GUSB: variants seen among roughly 807,000 people sequenced by gnomAD.
The protein encoded by GUSB is beta-glucuronidase.
Under a neutral mutation model 74.6 loss-of-function variants are expected in GUSB, and 51 were observed. That is an observed-to-expected ratio of 0.68 (90% CI 0.55 to 0.86). The LOEUF is 0.86. Ranked by LOEUF, GUSB falls within the 40% of genes least tolerant of loss-of-function variation. The pLI is 0.00. For missense variants in GUSB, 736 were observed against 853.7 expected, an observed-to-expected ratio of 0.86 and a Z score of 1.72; for synonymous variants, 360 against 348.3, an observed-to-expected ratio of 1.03 and a Z score of -0.37.
chr7:65,970,467 C>G, intron 8 of GUSB, 101 bp from the exon 9 acceptor site: 3 of 757,242 alleles, frequency 4.0e-6, no homozygotes, highest in Non-Finnish European at 7.0e-6. Flanking sequence ...GAACACAACA[C>G]GGGGCCAGGC....
Position 65,979,475 on chromosome 7 carries a change from C to A in GUSB, c.648G>T (p.Arg216=), listed in dbSNP as rs1791835924. The A allele has an allele frequency of 6.2e-7, 1 of 1,613,602 alleles. No individual in the cohort carries two copies. Among genetic ancestry groups the A allele is most frequent in the Non-Finnish European group, 8.5e-7 (1 of 1,179,510 alleles). The stretch of plus-strand genomic sequence containing the variant: ...TGGGTGTCGTGTACAGAAGTACAGA[C>A]CGCTGCAGTCCAGCGTAGTTGAAAA... ...FDFFNYAGLQ[R]SVLLYTTPTT... Residue 216 remains arginine, a synonymous_variant, in exon 4 of 12, where the codon CGG becomes CGT. Transcript: ENST00000304895.
chr7:65,965,092 AAAATT>A (rs1011229832), intron 10 of GUSB, among the ~76,000 whole-genome samples: 98 of 150,562 alleles, frequency 6.5e-4, no homozygotes, highest in Middle Eastern at 3.5e-3. Context: ...TATATATATA[AAAATT>A]AAATTAAATT....
Position 65,975,219 on chromosome 7 carries a change from C to T in GUSB, c.913-148G>A. ...CAGCAATCAGAGGTTCTGCCCTACCCTGGCTGACCCTGGGAACCTGCCCTT... is the reference window on the plus strand; with the variant it reads ...CAGCAATCAGAGGTTCTGCCCTACCTTGGCTGACCCTGGGAACCTGCCCTT... On this transcript the variant is annotated intron_variant, in intron 5 of 11. Transcript: ENST00000304895. 4 of 707,396 alleles carry T rather than the reference C, an allele frequency of 5.7e-6. 1 individual carries two copies. In the Admixed American group the frequency reaches 8.4e-5, roughly 15 times the overall value. The allele number at this position is 707,396 out of a possible 1,614,324, so 43.8% of individuals were successfully genotyped here.
At position 65,964,467 on chromosome 7, in the gene GUSB, C is replaced by T. The variant is rs1790700569; in HGVS notation, c.1654-9G>A. 5 of 1,610,076 alleles carry T rather than the reference C, an allele frequency of 3.1e-6. No homozygotes were observed. In the Admixed American group the frequency reaches 8.3e-5, roughly 27 times the overall value. On this transcript the variant is annotated splice_polypyrimidine_tract_variant and intron_variant, in intron 10 of 11. Coordinates refer to ENST00000304895, the MANE Select transcript of GUSB (RefSeq NM_000181.4). ...AACATCAGAGGTGGATCCTAGGATT[C>T]AAGGCAAAGAGAATGTAAGAGTCAG...
intron 10 of GUSB, among the ~76,000 whole-genome samples, chr7:65,964,792 G>A (rs1211459022): frequency 6.6e-6 from 1 of 152,176 alleles, no homozygotes; most frequent in Non-Finnish European, 1.5e-5. Flanking sequence ...CTTTCAGTCA[G>A]GTGCAGTGGC....
intron 3 of GUSB, 68 bp from the exon 4 acceptor site, chr7:65,979,609 C>CACTGG: frequency 6.3e-7 from 1 of 1,597,650 alleles, no homozygotes; most frequent in South Asian, 1.1e-5. Context: ...TCACAGGCCT[C>CACTGG]CCTGGCCTCC....
chr7:65,966,617 T>C (rs149553124), intron 10 of GUSB, among the ~76,000 whole-genome samples: 1 of 151,832 alleles, frequency 6.6e-6, no homozygotes, highest in Non-Finnish European at 1.5e-5. Flanking sequence ...ACTCCATCTT[T>C]ACAAAAAAAT....
In GUSB at chr7:65,974,958, A is replaced by C. The variant is rs1562687044; in HGVS notation, c.1026T>G (p.Pro342=). The change falls in exon 6 of 12, where the codon CCT becomes CCG. Residue 342 remains proline, a synonymous_variant. Coordinates refer to ENST00000304895, the MANE Select transcript of GUSB (RefSeq NM_000181.4). ...TKSQFLINGK[P]FYFHGVNKHE... The stretch of plus-strand genomic sequence containing the variant: ...GCTTGTTGACACCGTGGAAATAGAA[A>C]GGTTTCCCATTGATGAGGAACTGGC... 2.5e-6 allele frequency: 4 copies of C among 1,613,872 alleles called. No individual in the cohort carries two copies. Among genetic ancestry groups the C allele is most frequent in the Middle Eastern group, 1.7e-4 (1 of 6,048 alleles).
intron 8 of GUSB, among the ~76,000 whole-genome samples, chr7:65,970,761 C>A (rs1384417894): frequency 6.6e-6 from 1 of 152,012 alleles, no homozygotes; most frequent in Non-Finnish European, 1.5e-5. Context: ...TGGTGGCCGG[C>A]GCCTATAGTC....
rs1790436982 is a variant in GUSB at position 65,960,869 on chromosome 7, A to G, written c.*28T>C. On this transcript the variant is annotated 3_prime_UTR_variant, in exon 12 of 12. Transcript: ENST00000304895. ...GGAAGTCGCCCTGACTCGGGGAGGA[A>G]GGGACACGCAGGTGGTATCAGTCTT... 1.2e-6 allele frequency: 2 copies of G among 1,603,828 alleles called. No individual in the cohort carries two copies. Among genetic ancestry groups the G allele is most frequent in the African/African-American group, 2.7e-5 (2 of 74,740 alleles).
chr7:65,972,607 CCA>C (rs1183558884), intron 8 of GUSB, among the ~76,000 whole-genome samples: 1 of 152,130 alleles, frequency 6.6e-6, no homozygotes, highest in Non-Finnish European at 1.5e-5. Flanking sequence ...AGTTCCAAAC[CCA>C]CACTCTCCAA....
At chr7:65,969,499 C>A (rs539473722) in intron 9 of GUSB, among the ~76,000 whole-genome samples, 1 of 152,034 alleles carries the variant, frequency 6.6e-6, no homozygotes, top group Non-Finnish European at 1.5e-5. Context: ...GACTTTGAGA[C>A]CAGCCTGGGC....
At position 65,974,588 on chromosome 7, in the gene GUSB, C is replaced by T. The variant is rs369190724; in HGVS notation, c.1182G>A (p.Gln394=). 3 of 1,614,232 alleles carry T rather than the reference C, an allele frequency of 1.9e-6. No homozygotes were observed. The African/African-American group carries it at 4.0e-5, about 22-fold the overall frequency. Residue 394 remains glutamine, a synonymous_variant, in exon 7 of 12, where the codon CAG becomes CAA. Coordinates refer to ENST00000304895, the MANE Select transcript of GUSB (RefSeq NM_000181.4). The part of the protein sequence containing the change: ...SHYPYAEEVM[Q]MCDRYGIVVI... ...CCACAATCCCATAGCGGTCACACATCTGCATCACTTCCTCTGCATAGGGGT... is the reference window on the plus strand; with the variant it reads ...CCACAATCCCATAGCGGTCACACATTTGCATCACTTCCTCTGCATAGGGGT...
chr7:65,961,662 G>C (rs1790504308), intron 11 of GUSB, among the ~76,000 whole-genome samples: 1 of 152,122 alleles, frequency 6.6e-6, no homozygotes, highest in Non-Finnish European at 1.5e-5. Context: ...CTGAGGTCAG[G>C]AGTTCAAGAT....
chr7:65,967,198 C>T (rs1308647620), intron 10 of GUSB, among the ~76,000 whole-genome samples: 3 of 152,140 alleles, frequency 2.0e-5, no homozygotes, highest in East Asian at 1.9e-4. Flanking sequence ...GAGGCTCACA[C>T]CTGTAATCCC....
chr7:65,967,596 G>A (rs2115872136), intron 10 of GUSB, 135 bp downstream of exon 10: 3 of 773,876 alleles, frequency 3.9e-6, no homozygotes, highest in Non-Finnish European at 6.8e-6. Flanking sequence ...GTGAGGGAAC[G>A]TGGACGGGGC....
chr7:65,971,547 TA>T (rs1185800809), intron 8 of GUSB, among the ~76,000 whole-genome samples: 10 of 151,532 alleles, frequency 6.6e-5, no homozygotes, highest in Non-Finnish European at 1.2e-4. Context: ...GTCAACATGG[TA>T]AAAGTCTATC....
chr7:65,966,736 A>T (rs1790862690), intron 10 of GUSB, among the ~76,000 whole-genome samples: 1 of 152,016 alleles, frequency 6.6e-6, no homozygotes, highest in Admixed American at 6.6e-5. Context: ...GTGAGCTATG[A>T]TGACACCACT....
intron 11 of GUSB, among the ~76,000 whole-genome samples, chr7:65,961,821 G>A (rs1297326091): frequency 3.3e-5 from 5 of 152,152 alleles, no homozygotes; most frequent in Admixed American, 6.5e-5. Context: ...GGACAATATG[G>A]TGAAACCTCA....
Sources: allele counts gnomAD v4.1 joint callset (sites outside exome capture counted in the v4.1 genomes callset), GRCh38; gene constraint gnomAD v4.1.1; transcripts MANE v1.5; gene names NCBI Gene and HGNC (gene_info 2026-07-23, HGNC 2026-07-21).